The following SGCZ variants were observed in gnomAD, a reference collection of about 807,000 sequenced individuals.
SGCZ encodes the protein sarcoglycan zeta, also known as zeta-sarcoglycan.
Under a neutral mutation model 41.3 loss-of-function variants are expected in SGCZ, and 40 were observed. The observed-to-expected ratio is 0.97, with a 90% confidence interval of 0.75 to 1.26. SGCZ has a LOEUF of 1.26. SGCZ is among the 50% of genes most tolerant of loss of function. SGCZ has a pLI of 0.00. For missense variants in SGCZ, 552 were observed against 369.8 expected (o/e 1.49, Z -4.04); for synonymous variants, 206 against 137.5 (o/e 1.50, Z -3.49).
chr8:14,197,583 G>C (rs1805306737), intron 4 of SGCZ, among the ~76,000 whole-genome samples: 1 of 151,772 alleles, frequency 6.6e-6, no homozygotes, highest in African/African-American at 2.4e-5. Context: ...AGTACCTAGA[G>C]AAAAAGCTTC....
At chr8:15,172,381 C>T (rs1048916023) in intron 1 of SGCZ, among the ~76,000 whole-genome samples, 27 of 151,050 alleles carry the variant, frequency 1.8e-4, no homozygotes, top group African/African-American at 6.3e-4. Flanking sequence ...AGGATGGTCT[C>T]GATCTCCTGA....
intron 1 of SGCZ, among the ~76,000 whole-genome samples, chr8:15,158,410 C>A (rs1199022133): frequency 6.6e-6 from 1 of 151,994 alleles, no homozygotes; most frequent in Non-Finnish European, 1.5e-5. Flanking sequence ...GTGCATATAG[C>A]AATAAATATA....
At chr8:14,325,542 A>T (rs972563473) in intron 2 of SGCZ, among the ~76,000 whole-genome samples, 26 of 147,710 alleles carry the variant, frequency 1.8e-4, no homozygotes, top group African/African-American at 6.4e-4. Flanking sequence ...AAAATCATAT[A>T]TAATAGATTA....
chr8:15,016,829 A>C (rs1803055291), intron 1 of SGCZ, among the ~76,000 whole-genome samples: 4 of 152,122 alleles, frequency 2.6e-5, no homozygotes, highest in Admixed American at 2.6e-4. Flanking sequence ...GCTTTTACTC[A>C]TGGTGGAAGG....
intron 2 of SGCZ, among the ~76,000 whole-genome samples, chr8:14,342,659 T>C (rs755557062): frequency 6.6e-6 from 1 of 152,132 alleles, no homozygotes; most frequent in Non-Finnish European, 1.5e-5. Flanking sequence ...AGAGGTGACT[T>C]GGGTGCTATT....
chr8:14,142,780 C>G (rs73522479), intron 5 of SGCZ, among the ~76,000 whole-genome samples: 26,899 of 151,914 alleles, frequency 0.18, 3,190 homozygotes, highest in East Asian at 0.63. Flanking sequence ...GTGCTGTCAT[C>G]CCTGTTGTGA....
chr8:14,755,985 T>G (rs1799653307), intron 1 of SGCZ, among the ~76,000 whole-genome samples: 1 of 152,138 alleles, frequency 6.6e-6, no homozygotes, highest in Non-Finnish European at 1.5e-5. Context: ...CATAGGAAAT[T>G]ACCACATAAA....
chr8:14,454,557 A>C (rs909929154), intron 2 of SGCZ, among the ~76,000 whole-genome samples: 2 of 152,196 alleles, frequency 1.3e-5, no homozygotes, highest in Non-Finnish European at 2.9e-5. Context: ...TAGATAGTAA[A>C]GTTCATACGT....
At position 14,086,759 on chromosome 8, in the gene SGCZ, G is replaced by T. The variant is rs758889041; in HGVS notation, c.*3684C>A. ...AAAGGGAGTATAAAAAAGAGCATAG[G>T]AAGTAGCGTGCCAAAAAGGTTTGTA... On this transcript the variant is annotated 3_prime_UTR_variant, in exon 8 of 8. Transcript: ENST00000382080. Among the ~76,000 whole-genome samples the T allele has an allele frequency of 1.3e-5, 2 of 151,726 alleles. No homozygotes were observed. Among genetic ancestry groups the T allele is most frequent in the Middle Eastern group, 3.4e-3 (1 of 294 alleles).
At chr8:14,310,593 T>C (rs962002311) in intron 3 of SGCZ, among the ~76,000 whole-genome samples, 4 of 152,146 alleles carry the variant, frequency 2.6e-5, no homozygotes, top group Non-Finnish European at 4.4e-5. Context: ...TATTTTGCTT[T>C]GGTTAAAAAT....
chr8:15,197,711 C>G (rs1800773695), intron 1 of SGCZ, among the ~76,000 whole-genome samples: 2 of 152,130 alleles, frequency 1.3e-5, no homozygotes, highest in African/African-American at 4.8e-5. Context: ...AGGGCCCTGC[C>G]TCAAAAACAG....
chr8:15,120,769 A>G (rs976354488), intron 1 of SGCZ, among the ~76,000 whole-genome samples: 3 of 152,146 alleles, frequency 2.0e-5, no homozygotes, highest in South Asian at 2.1e-4. Flanking sequence ...TTTTCAAAGG[A>G]CCATTTTGTT....
intron 3 of SGCZ, among the ~76,000 whole-genome samples, chr8:14,242,989 G>A (rs996461985): frequency 6.6e-6 from 1 of 152,190 alleles, no homozygotes; most frequent in Non-Finnish European, 1.5e-5. Context: ...TAAAGTGTAA[G>A]ATATGACCTC....
intron 1 of SGCZ, among the ~76,000 whole-genome samples, chr8:15,078,848 T>A (rs1169634450): frequency 1.3e-5 from 2 of 152,172 alleles, no homozygotes; most frequent in Admixed American, 1.3e-4. Flanking sequence ...ACTATAATTT[T>A]ATATAGTATT....
intron 5 of SGCZ, among the ~76,000 whole-genome samples, chr8:14,161,137 A>T (rs1235086567): frequency 6.6e-6 from 1 of 152,168 alleles, no homozygotes; most frequent in African/African-American, 2.4e-5. Context: ...TTGTACTGTT[A>T]TTTGTCAAAT....
intron 5 of SGCZ, among the ~76,000 whole-genome samples, chr8:14,159,311 C>T (rs1334128851): frequency 6.6e-6 from 1 of 151,958 alleles, no homozygotes; most frequent in African/African-American, 2.4e-5. Context: ...TCCCATTTCA[C>T]CTGTTATTTA....
intron 3 of SGCZ, among the ~76,000 whole-genome samples, chr8:14,312,831 A>C (rs1801592824): frequency 6.6e-6 from 1 of 152,194 alleles, no homozygotes; most frequent in Non-Finnish European, 1.5e-5. Context: ...ATAGAGTCAA[A>C]ATACCAATTT....
At chr8:14,417,552 C>G (rs948288007) in intron 2 of SGCZ, among the ~76,000 whole-genome samples, 2 of 151,666 alleles carry the variant, frequency 1.3e-5, no homozygotes, top group African/African-American at 4.8e-5. Flanking sequence ...ATCATTATTT[C>G]CCCCCCTTAA....
intron 1 of SGCZ, among the ~76,000 whole-genome samples, chr8:14,648,420 G>T (rs939239725): frequency 3.3e-5 from 5 of 151,894 alleles, no homozygotes; most frequent in Admixed American, 3.3e-4. Context: ...TCTTTATTTG[G>T]ATCAAACAAA....
Sources: allele counts gnomAD v4.1 joint callset (sites outside exome capture counted in the v4.1 genomes callset), GRCh38; gene constraint gnomAD v4.1.1; transcripts MANE v1.5; gene names NCBI Gene and HGNC (gene_info 2026-07-23, HGNC 2026-07-21).